The following RALGPS1 variants were observed in gnomAD, a reference collection of about 807,000 sequenced individuals.
RALGPS1 encodes the protein ras-specific guanine nucleotide-releasing factor RalGPS1.
RALGPS1 carries 19 observed loss-of-function variants against 78.8 expected under a neutral mutation model. The ratio of observed to expected loss-of-function variants is 0.24; its 90% CI spans 0.17 to 0.35. RALGPS1 has a LOEUF of 0.35. Among genes scored for constraint, RALGPS1 ranks in the 10% least tolerant of loss-of-function variants. The pLI is 1.00. For synonymous variants in RALGPS1, 228 were observed against 256.3 expected (o/e 0.89, Z 1.06); for missense variants, 454 against 688.3 (o/e 0.66, Z 3.81).
At chr9:126,994,853 A>T (rs1428345184) in intron 4 of RALGPS1, among the ~76,000 whole-genome samples, 3 of 152,326 alleles carry the variant, frequency 2.0e-5, no homozygotes, top group Admixed American at 2.0e-4. Flanking sequence ...TCTACAAGCC[A>T]GAAGAGAGTG....
intron 4 of RALGPS1, among the ~76,000 whole-genome samples, chr9:127,025,220 ACT>A (rs2134309867): frequency 6.6e-6 from 1 of 152,178 alleles, no homozygotes; most frequent in East Asian, 1.9e-4. Context: ...TGTATGCGTC[ACT>A]CTGTCATTCG....
intron 8 of RALGPS1, among the ~76,000 whole-genome samples, chr9:127,149,825 G>A (rs1260925754): frequency 6.6e-6 from 1 of 152,220 alleles, no homozygotes; most frequent in Non-Finnish European, 1.5e-5. Flanking sequence ...TCAGAGCCTT[G>A]GTTTCCCCAC....
At chr9:127,193,115 A>C (rs1312158619) in intron 11 of RALGPS1, among the ~76,000 whole-genome samples, 1 of 152,142 alleles carries the variant, frequency 6.6e-6, no homozygotes, top group African/African-American at 2.4e-5. Flanking sequence ...GGAAGGAGCC[A>C]GAGAGAGAAG....
chr9:127,015,107 C>T (rs1434540192), intron 4 of RALGPS1, among the ~76,000 whole-genome samples: 1 of 152,186 alleles, frequency 6.6e-6, no homozygotes, highest in Non-Finnish European at 1.5e-5. Context: ...TTTATAACCC[C>T]TGTGGTGCCA....
chr9:127,029,097 A>G (rs989938436), intron 4 of RALGPS1, among the ~76,000 whole-genome samples: 5 of 152,088 alleles, frequency 3.3e-5, no homozygotes, highest in African/African-American at 1.2e-4. Flanking sequence ...GTCAGTATAT[A>G]TGGTCTCCTG....
At chr9:127,146,542 CTTTT>C (rs60707997) in intron 8 of RALGPS1, among the ~76,000 whole-genome samples, 22 of 130,796 alleles carry the variant, frequency 1.7e-4, no homozygotes, top group Non-Finnish European at 1.1e-4. Context: ...GTGCATGTGT[CTTTT>C]TTTTTTTTTT....
At chr9:127,098,387 C>T (rs540818074) in intron 8 of RALGPS1, among the ~76,000 whole-genome samples, 50 of 152,230 alleles carry the variant, frequency 3.3e-4, no homozygotes, top group African/African-American at 1.0e-3. Flanking sequence ...CAGAGTGGAG[C>T]GAGTGCTGCG....
At chr9:126,972,413 A>G (rs189301017) in intron 3 of RALGPS1, among the ~76,000 whole-genome samples, 17 of 152,356 alleles carry the variant, frequency 1.1e-4, no homozygotes, top group Non-Finnish European at 2.2e-4. Context: ...TGTCTATTAA[A>G]TTATTCAGTT....
At chr9:126,946,784 C>T (rs1302842291) in intron 1 of RALGPS1, among the ~76,000 whole-genome samples, 1 of 152,022 alleles carries the variant, frequency 6.6e-6, no homozygotes, top group East Asian at 1.9e-4. Flanking sequence ...CTTGATGTTC[C>T]CTTTAAGCCC....
chr9:127,165,283 C>A (rs896760537), intron 8 of RALGPS1, among the ~76,000 whole-genome samples: 1 of 152,244 alleles, frequency 6.6e-6, no homozygotes, highest in East Asian at 1.9e-4. Flanking sequence ...GTCTGAAGCT[C>A]GGCCCTGCAG....
chr9:127,080,340 G>A (rs1298166599), intron 8 of RALGPS1, among the ~76,000 whole-genome samples: 1 of 152,118 alleles, frequency 6.6e-6, no homozygotes, highest in Non-Finnish European at 1.5e-5. Flanking sequence ...CACATTGCTT[G>A]TTGTAAAAAT....
At chr9:127,198,279 C>T (rs2061445686) in intron 13 of RALGPS1, among the ~76,000 whole-genome samples, 2 of 152,210 alleles carry the variant, frequency 1.3e-5, no homozygotes, top group Non-Finnish European at 2.9e-5. Flanking sequence ...GATCTCCTCC[C>T]TCCCCCTTTC....
At chr9:126,941,129 C>T (rs1395253424) in intron 1 of RALGPS1, among the ~76,000 whole-genome samples, 1 of 71,410 alleles carries the variant, frequency 1.4e-5, no homozygotes, top group African/African-American at 4.6e-5. Context: ...TTCTCATATA[C>T]GCCCCCCCCC....
At position 127,205,999 on chromosome 9, in the gene RALGPS1, A is replaced by G. The variant is rs1690300541; in HGVS notation, c.1248-6132A>G. Among the ~76,000 whole-genome samples the G allele has an allele frequency of 6.6e-6, 1 of 152,230 alleles. No homozygotes were observed. The highest frequency in any genetic ancestry group is 1.5e-5 in the Non-Finnish European group (1 of 68,042). On this transcript the variant is annotated intron_variant, in intron 14 of 18. Coordinates refer to ENST00000259351, the MANE Select transcript of RALGPS1 (RefSeq NM_014636.3). The surrounding 1 kb of genome is among the most constrained non-coding windows in gnomAD (Gnocchi z 4.0). ...CCAGAGAAGAGTGGGTGGCCCATAG[A>G]AAGCAAATGTCCTTCAAAAATTGCT...
chr9:127,059,376 A>G (rs1200867093), intron 7 of RALGPS1, among the ~76,000 whole-genome samples: 3 of 152,170 alleles, frequency 2.0e-5, no homozygotes, highest in Admixed American at 6.5e-5. Context: ...ATCATTCCTC[A>G]TAGCCTGGCT....
chr9:127,120,188 C>T (rs1047662761), intron 8 of RALGPS1, among the ~76,000 whole-genome samples: 1 of 152,212 alleles, frequency 6.6e-6, no homozygotes, highest in African/African-American at 2.4e-5. Flanking sequence ...TTGTGAGCTT[C>T]CCACAGCACT....
At chr9:127,094,128 A>G in intron 8 of RALGPS1, among the ~76,000 whole-genome samples, 1 of 152,114 alleles carries the variant, frequency 6.6e-6, no homozygotes, top group East Asian at 1.9e-4. Context: ...CAGGATGCCC[A>G]TACTCCAAGC....
intron 11 of RALGPS1, chr9:127,177,841 A>G: frequency 1.9e-6 from 3 of 1,545,850 alleles, no homozygotes; most frequent in South Asian, 2.4e-5. Context: ...CTCCTCAGGT[A>G]CAGCCTCCTT....
intron 1 of RALGPS1, among the ~76,000 whole-genome samples, chr9:126,945,888 G>A (rs1255570415): frequency 6.6e-6 from 1 of 152,218 alleles, no homozygotes; most frequent in Non-Finnish European, 1.5e-5. Context: ...GCTTCCGTTT[G>A]GAGAAGGGGA....
Sources: allele counts gnomAD v4.1 joint callset (sites outside exome capture counted in the v4.1 genomes callset), GRCh38; gene constraint gnomAD v4.1.1; non-coding constraint Gnocchi (gnomAD v3.1); transcripts MANE v1.5; gene names NCBI Gene and HGNC (gene_info 2026-07-23, HGNC 2026-07-21).